TMEM132B: variants seen among roughly 807,000 people sequenced by gnomAD.
TMEM132B encodes transmembrane protein 132B.
Under a neutral mutation model 90.8 loss-of-function variants are expected in TMEM132B, and 18 were observed. That is an observed-to-expected ratio of 0.20 (90% CI 0.14 to 0.29). The LOEUF is 0.29. Ranked by LOEUF, TMEM132B falls within the 10% of genes least tolerant of loss-of-function variation. The pLI is 1.00. For missense variants in TMEM132B, 1,096 were observed against 1,326.8 expected, an observed-to-expected ratio of 0.83 and a Z score of 2.70; for synonymous variants, 504 against 523.3, an observed-to-expected ratio of 0.96 and a Z score of 0.50.
rs1593115045 is a variant in TMEM132B at position 125,382,853 on chromosome 12, T to A, written c.959+32510T>A. On this transcript the variant is annotated intron_variant, in intron 2 of 8. Coordinates refer to ENST00000682704, the MANE Select transcript of TMEM132B (RefSeq NM_001366854.1). ...AAATCTGTTTTCTCTGCTTGAAAAC[T>A]CTTTGTTAATGGCTTTCCATTCTTG... Among the ~76,000 whole-genome samples, 6 of 152,330 alleles carry A rather than the reference T, an allele frequency of 3.9e-5. No individual in the cohort carries two copies. In the South Asian group the frequency reaches 1.2e-3, roughly 32 times the overall value.
At chr12:125,267,822 T>A (rs984732810) in intron 1 of TMEM132B, among the ~76,000 whole-genome samples, 1 of 152,134 alleles carries the variant, frequency 6.6e-6, no homozygotes, top group Non-Finnish European at 1.5e-5. Flanking sequence ...GATTTTTTTT[T>A]AAAATGAGAA....
chr12:125,273,970 C>T (rs1035098806), intron 1 of TMEM132B, among the ~76,000 whole-genome samples: 1 of 152,182 alleles, frequency 6.6e-6, no homozygotes, highest in Non-Finnish European at 1.5e-5. Context: ...GGACTCTCCT[C>T]TACTTTTAAG....
At chr12:125,505,193 A>AAC (rs1566056627) in intron 3 of TMEM132B, among the ~76,000 whole-genome samples, 2 of 145,332 alleles carry the variant, frequency 1.4e-5, no homozygotes, top group African/African-American at 5.3e-5. Context: ...AAAAAAAAAA[A>AAC]AACAGTAAGT....
intron 2 of TMEM132B, among the ~76,000 whole-genome samples, chr12:125,354,133 C>A (rs1877684999): frequency 6.6e-6 from 1 of 152,084 alleles, no homozygotes; most frequent in African/African-American, 2.4e-5. Flanking sequence ...GGGAGAGGAC[C>A]AGAGGAGGCA....
At chr12:125,314,525 G>A (rs1356698787) in intron 1 of TMEM132B, among the ~76,000 whole-genome samples, 3 of 152,144 alleles carry the variant, frequency 2.0e-5, no homozygotes, top group Admixed American at 6.5e-5. Context: ...TTGAGGAGGC[G>A]CTTCCTGCAC....
chr12:125,220,738 G>C (rs138842936), intron 1 of TMEM132B, among the ~76,000 whole-genome samples: 2 of 152,338 alleles, frequency 1.3e-5, no homozygotes, highest in Non-Finnish European at 2.9e-5. Context: ...TCGTCCTGCT[G>C]TGTCTGTTTC....
chr12:125,417,665 A>T (rs1027099799), intron 3 of TMEM132B, among the ~76,000 whole-genome samples: 1 of 152,194 alleles, frequency 6.6e-6, no homozygotes, highest in East Asian at 1.9e-4. Context: ...GTGCTCAACC[A>T]GTAACCTTAG....
Position 125,544,157 on chromosome 12 carries a change from C to T in TMEM132B, c.1293+24532C>T, listed in dbSNP as rs1334221714. On this transcript the variant is annotated intron_variant, in intron 4 of 8. Coordinates refer to ENST00000682704, the MANE Select transcript of TMEM132B (RefSeq NM_001366854.1). ...AGGTGGGAGTTGAACAGTGAGAACACATGGAGGGGAACAACAGACACTGGG... is the reference window on the plus strand; with the variant it reads ...AGGTGGGAGTTGAACAGTGAGAACATATGGAGGGGAACAACAGACACTGGG... Among the ~76,000 whole-genome samples the T allele has an allele frequency of 2.6e-5, 4 of 152,212 alleles. No homozygotes were observed. In the South Asian group the frequency reaches 8.3e-4, roughly 32 times the overall value.
At chr12:125,511,578 C>T (rs144823402) in intron 3 of TMEM132B, among the ~76,000 whole-genome samples, 245 of 152,072 alleles carry the variant, frequency 1.6e-3, no homozygotes, top group African/African-American at 5.5e-3. Flanking sequence ...AGGCCGGGCA[C>T]GGTGGCTCAC....
intron 2 of TMEM132B, among the ~76,000 whole-genome samples, chr12:125,364,241 G>A (rs756447732): frequency 6.6e-6 from 1 of 151,866 alleles, no homozygotes; most frequent in Non-Finnish European, 1.5e-5. Context: ...GGAGACATGG[G>A]TTTTCATTTT....
At chr12:125,193,307 G>A (rs1442570300) in intron 1 of TMEM132B, among the ~76,000 whole-genome samples, 4 of 152,176 alleles carry the variant, frequency 2.6e-5, no homozygotes, top group African/African-American at 4.8e-5. Context: ...TGGCAAGGTA[G>A]GGTCTCCTCC....
At chr12:125,473,953 A>G (rs1881788604) in intron 3 of TMEM132B, among the ~76,000 whole-genome samples, 1 of 151,852 alleles carries the variant, frequency 6.6e-6, no homozygotes, top group Non-Finnish European at 1.5e-5. Context: ...TTATCCTGAT[A>G]GTAGAGAAAA....
At chr12:125,509,257 C>G (rs746782724) in intron 3 of TMEM132B, among the ~76,000 whole-genome samples, 1 of 152,140 alleles carries the variant, frequency 6.6e-6, no homozygotes, top group Non-Finnish European at 1.5e-5. Flanking sequence ...TGTGGTGGGT[C>G]CTGGACGCTC....
intron 2 of TMEM132B, among the ~76,000 whole-genome samples, chr12:125,358,267 T>A (rs1011764863): frequency 6.6e-6 from 1 of 151,878 alleles, no homozygotes; most frequent in African/African-American, 2.4e-5. Context: ...TTTTAAAAAA[T>A]TTTTTAGCTT....
rs968186653 is a variant in TMEM132B at position 125,186,399 on chromosome 12, C to T, written c.-401C>T. ...GCTCGCTCGCTCACTCTCTCGCTGGCTCGAGGGGCGGCCGGCAGATGGCGA... is the reference window on the plus strand; with the variant it reads ...GCTCGCTCGCTCACTCTCTCGCTGGTTCGAGGGGCGGCCGGCAGATGGCGA... On this transcript the variant is annotated 5_prime_UTR_variant, in exon 1 of 9. Transcript: ENST00000682704. The surrounding 1 kb of genome is among the most constrained non-coding windows in gnomAD (Gnocchi z 6.3). 2.7e-5 allele frequency among the ~76,000 whole-genome samples: 4 copies of T among 146,656 alleles called. No homozygotes were observed. The highest frequency in any genetic ancestry group is 7.4e-5 in the African/African-American group (3 of 40,738).
chr12:125,640,623 A>G (rs1350343665), intron 5 of TMEM132B, among the ~76,000 whole-genome samples: 1 of 152,132 alleles, frequency 6.6e-6, no homozygotes, highest in Non-Finnish European at 1.5e-5. Flanking sequence ...TGGAGAGGAC[A>G]GAGGTGATCC....
At position 125,350,155 on chromosome 12, in the gene TMEM132B, G is replaced by A. The variant is rs755752368; in HGVS notation, c.771G>A (p.Ala257=). The part of the protein sequence containing the change: ...IHSGLESPQQ[A]FPARERIGSV... ...CGGGCCTGGAGAGCCCCCAGCAAGC[G>A]TTTCCAGCCCGAGAGAGGATTGGGA... Residue 257 remains alanine, a synonymous_variant, in exon 2 of 9, where the codon GCG becomes GCA. Transcript: ENST00000682704. 1.2e-5 allele frequency: 20 copies of A among 1,614,114 alleles called. No homozygotes were observed. Among genetic ancestry groups the A allele is most frequent in the Admixed American group, 3.3e-5 (2 of 60,012 alleles).
chr12:125,376,159 C>T (rs887376321), intron 2 of TMEM132B, among the ~76,000 whole-genome samples: 4 of 152,218 alleles, frequency 2.6e-5, no homozygotes, highest in African/African-American at 7.2e-5. Context: ...TAAATGAGAG[C>T]CCACATCCCA....
intron 3 of TMEM132B, among the ~76,000 whole-genome samples, chr12:125,429,340 C>CA (rs1481280258): frequency 6.6e-6 from 1 of 150,754 alleles, no homozygotes; most frequent in Non-Finnish European, 1.5e-5. Context: ...GCTGGGACTA[C>CA]AGGCATGCAC....
Sources: gnomAD v4.1 joint callset for allele counts (sites outside exome capture counted in the v4.1 genomes callset) on GRCh38, gnomAD v4.1.1 for gene constraint, Gnocchi (gnomAD v3.1) non-coding constraint, MANE v1.5 for transcripts, NCBI Gene and HGNC (gene_info 2026-07-23, HGNC 2026-07-21) for gene names.